The following LRRC8E variants were observed in gnomAD, a reference collection of about 807,000 sequenced individuals.
The protein encoded by LRRC8E is volume-regulated anion channel subunit LRRC8E.
In LRRC8E, 6 loss-of-function variants were observed where a neutral mutation model predicts 6.1. The ratio of observed to expected loss-of-function variants is 0.98; its 90% CI spans 0.54 to 1.93. The LOEUF (loss-of-function observed/expected upper bound fraction) is 1.93. LRRC8E is among the 30% of genes most tolerant of loss of function. The pLI, the probability that LRRC8E is intolerant of heterozygous loss-of-function variation, is 0.01. For missense variants in LRRC8E, 1,028 were observed against 1,031.4 expected (o/e 1.00, Z 0.04); for synonymous variants, 485 against 472.8 (o/e 1.03, Z -0.33).
In LRRC8E at chr19:7,898,704, A is replaced by T; in HGVS notation, c.182A>T (p.Gln61Leu). 6.2e-7 allele frequency: 1 copy of T among 1,613,454 alleles called. No homozygotes were observed. ...KIICLPNHEL[Q>L]ENLSEAPCQQ... ...ATCTGTCTACCCAATCATGAGCTCC[A>T]GGAGAACTTATCAGAGGCCCCGTGC... Residue 61 changes from glutamine (Q) to leucine (L), a missense_variant, in exon 3 of 3, where the codon CAG becomes CTG. Physicochemically the swap from Gln to Leu is moderately radical, Grantham distance 113. Coordinates refer to ENST00000306708, the MANE Select transcript of LRRC8E (RefSeq NM_025061.6).
chr19:7,891,851 C>T (rs1981332225), intron 1 of LRRC8E, among the ~76,000 whole-genome samples: 1 of 152,118 alleles, frequency 6.6e-6, no homozygotes, highest in South Asian at 2.1e-4. Context: ...CTCAAATTAT[C>T]CGCCTACCTT....
In LRRC8E at chr19:7,898,750, G is replaced by T; in HGVS notation, c.228G>T (p.Gly76=). 6.2e-7 allele frequency: 1 copy of T among 1,614,050 alleles called. No individual in the cohort carries two copies. Among genetic ancestry groups the T allele is most frequent in the Non-Finnish European group, 8.5e-7 (1 of 1,180,000 alleles). ...CGTGCCAGCAATTGCTGCCTCGGGG[G>T]ATCCCTGAGCAGATTGGGGCCCTGC... ...EAPCQQLLPR[G]IPEQIGALQE... is the part of the protein sequence containing the mutation. Residue 76 remains glycine, a synonymous_variant, in exon 3 of 3, where the codon GGG becomes GGT. Coordinates refer to ENST00000306708, the MANE Select transcript of LRRC8E (RefSeq NM_025061.6).
chr19:7,899,589 T>C lies in LRRC8E; in HGVS notation c.1067T>C (p.Ile356Thr). The C allele has an allele frequency of 1.2e-6, 2 of 1,613,800 alleles. No homozygotes were observed. Among genetic ancestry groups the C allele is most frequent in the Non-Finnish European group, 1.7e-6 (2 of 1,180,024 alleles). Residue 356 changes from isoleucine (I) to threonine (T), a missense_variant, in exon 3 of 3, where the codon ATT becomes ACT. Coordinates refer to ENST00000306708, the MANE Select transcript of LRRC8E (RefSeq NM_025061.6). ...CGGGAGGAGACTGGCATGGGGGACATTCCTGACGTCAAGAATGACTTCGCC... is the reference window on the plus strand; with the variant it reads ...CGGGAGGAGACTGGCATGGGGGACACTCCTGACGTCAAGAATGACTTCGCC... ...SVREETGMGD[I>T]PDVKNDFAFM...
Position 7,895,678 on chromosome 19 carries a change from C to G in LRRC8E, c.75C>G (p.Asp25Glu). ...PAFKVLKPWWDVLAEYLTVAM... is the reference protein window; with the variant it reads ...PAFKVLKPWWEVLAEYLTVAM... ...TCAAGGTGCTCAAACCCTGGTGGGA[C>G]GTGCTGGCCGAGTACCTCACCGTGG... The change falls in exon 2 of 3, where the codon GAC becomes GAG. Residue 25 changes from aspartate to glutamate, a missense_variant. Transcript: ENST00000306708. This position sits in a 1 kb window ranked among gnomAD's most constrained non-coding sequence, Gnocchi z 4.7. 6.2e-7 allele frequency: 1 copy of G among 1,614,108 alleles called. No homozygotes were observed.
In LRRC8E at chr19:7,900,226, T is replaced by C. The variant is rs999611711; in HGVS notation, c.1704T>C (p.Asp568=). The change falls in exon 3 of 3, where the codon GAT becomes GAC. Residue 568 remains aspartate, a synonymous_variant. Coordinates refer to ENST00000306708, the MANE Select transcript of LRRC8E (RefSeq NM_025061.6). This position sits in a 1 kb window ranked among gnomAD's most constrained non-coding sequence, Gnocchi z 5.0. The part of the protein sequence containing the change: ...GHLQRLSLHN[D]GARLVALNSL... ...TGCAGAGGCTCAGCCTGCACAACGA[T>C]GGGGCCCGTCTGGTTGCCCTGAACA... The C allele has an allele frequency of 6.8e-6, 11 of 1,613,192 alleles. 1 individual carries two copies. The African/African-American group carries it at 1.1e-4, about 16-fold the overall frequency.
chr19:7,896,846 C>G (rs776524604), intron 2 of LRRC8E, among the ~76,000 whole-genome samples: 3 of 152,072 alleles, frequency 2.0e-5, no homozygotes, highest in Non-Finnish European at 2.9e-5. Flanking sequence ...CCTCCCACCT[C>G]GGCCTCCCAA....
chr19:7,900,054 A>G lies in LRRC8E; in HGVS notation c.1532A>G (p.Glu511Gly), dbSNP rs749386989. ...GTGTTTGGGCTGCGGGGCTTGGAGGAGCTGCACCTGGAGGGGCTTTTCCCC... is the reference window on the plus strand; with the variant it reads ...GTGTTTGGGCTGCGGGGCTTGGAGGGGCTGCACCTGGAGGGGCTTTTCCCC... The part of the protein sequence containing the change: ...LWVFGLRGLE[E>G]LHLEGLFPQE... Residue 511 changes from glutamate to glycine, a missense_variant, in exon 3 of 3, where the codon GAG becomes GGG. Physicochemically the swap from Glu to Gly is moderately conservative, Grantham distance 98. Coordinates refer to ENST00000306708, the MANE Select transcript of LRRC8E (RefSeq NM_025061.6). This position sits in a 1 kb window ranked among gnomAD's most constrained non-coding sequence, Gnocchi z 5.0. 1.2e-6 allele frequency: 2 copies of G among 1,611,256 alleles called. No individual in the cohort carries two copies. Among genetic ancestry groups the G allele is most frequent in the Non-Finnish European group, 1.7e-6 (2 of 1,179,542 alleles).
chr19:7,900,700 G>A lies in LRRC8E; in HGVS notation c.2178G>A (p.Thr726=), dbSNP rs112412512. The change falls in exon 3 of 3, where the codon ACG becomes ACA. Residue 726 remains threonine, a synonymous_variant. Transcript: ENST00000306708. This position sits in a 1 kb window ranked among gnomAD's most constrained non-coding sequence, Gnocchi z 5.0. ...TCTTCTTCTGCCGCAAGCTGCGGAC[G>A]TTGCTTCTGGGCGACAACCAGCTGA... is the stretch of plus-strand genomic sequence containing the variant. ...EELFFCRKLR[T]LLLGDNQLSQ... is the part of the protein sequence containing the mutation. The A allele has an allele frequency of 1.3e-4, 213 of 1,613,410 alleles. 3 individuals are homozygous for A. The Middle Eastern group carries it at 9.9e-3, about 75-fold the overall frequency.
In LRRC8E at chr19:7,900,267, C is replaced by A. The variant is rs200370523; in HGVS notation, c.1745C>A (p.Ala582Glu). Residue 582 changes from alanine to glutamate, a missense_variant, in exon 3 of 3, where the codon GCG becomes GAG. Transcript: ENST00000306708. The surrounding 1 kb of genome is among the most constrained non-coding windows in gnomAD (Gnocchi z 5.0). ...LVALNSLKKL[A>E]ALRELELVAC... ...GCCCTGAACAGCCTCAAGAAGCTGG[C>A]GGCATTGCGGGAGCTGGAGCTGGTG... is the stretch of plus-strand genomic sequence containing the variant. 6.2e-6 allele frequency: 10 copies of A among 1,613,356 alleles called. No homozygotes were observed. Among genetic ancestry groups the A allele is most frequent in the Non-Finnish European group, 8.5e-6 (10 of 1,180,024 alleles).
chr19:7,896,340 A>G (rs1034295827), intron 2 of LRRC8E, among the ~76,000 whole-genome samples: 1 of 150,138 alleles, frequency 6.7e-6, no homozygotes, highest in Admixed American at 6.6e-5. Context: ...TTGGGAGGCC[A>G]AGGTGGGAGT....
In LRRC8E at chr19:7,895,545, G is replaced by T; in HGVS notation, c.-5-54G>T. On this transcript the variant is annotated intron_variant, in intron 1 of 2. Coordinates refer to ENST00000306708, the MANE Select transcript of LRRC8E (RefSeq NM_025061.6). The surrounding 1 kb of genome is among the most constrained non-coding windows in gnomAD (Gnocchi z 4.7). ...GGCTCCTCGGAGGACCCCCTGCAGA[G>T]CCTCCCATCCTGAGGGTCTCTCTCT... is the stretch of plus-strand genomic sequence containing the variant. 3 of 1,585,918 alleles carry T rather than the reference G, an allele frequency of 1.9e-6. No homozygotes were observed. Among genetic ancestry groups the T allele is most frequent in the East Asian group, 2.3e-5 (1 of 44,216 alleles).
At position 7,901,022 on chromosome 19, in the gene LRRC8E, G is replaced by GGGC. The variant is rs564504300; in HGVS notation, c.*111_*112insCGG. On this transcript the variant is annotated 3_prime_UTR_variant, in exon 3 of 3. Transcript: ENST00000306708. ...CAAGTGGGTCCAGGCCAGGAGATGGGGGGGGCGGGGGCAGCTGTGTCATCT... is the reference window on the plus strand; with the variant it reads ...CAAGTGGGTCCAGGCCAGGAGATGGGGGCGGGGGCGGGGGCAGCTGTGTCATCT... 1.6e-6 allele frequency: 1 copy of GGGC among 613,758 alleles called. No homozygotes were observed. The highest frequency in any genetic ancestry group is 1.9e-5 in the African/African-American group (1 of 52,786). The allele number at this position is 613,758 out of a possible 1,614,324, so 38.0% of individuals were successfully genotyped here. A position where few individuals can be genotyped will look rare whatever the true frequency, so the allele number is the denominator to read the frequency against.
rs201931291 is a variant in LRRC8E at position 7,900,788 on chromosome 19, C to A, written c.2266C>A (p.Arg756Ser). The change falls in exon 3 of 3, where the codon CGC (arginine) becomes AGC (serine). Residue 756 changes from arginine to serine, a missense_variant. Physicochemically the swap from Arg to Ser is moderately radical, Grantham distance 110. Coordinates refer to ENST00000306708, the MANE Select transcript of LRRC8E (RefSeq NM_025061.6). The surrounding 1 kb of genome is among the most constrained non-coding windows in gnomAD (Gnocchi z 5.0). The stretch of plus-strand genomic sequence containing the variant: ...CAGCCGCCTGGAGCTCAAAGGCAAC[C>A]GCTTAGAGGCGCTGCCAGAAGAACT... ...ALSRLELKGN[R>S]LEALPEELGN... 6.2e-6 allele frequency: 10 copies of A among 1,602,300 alleles called. No homozygotes were observed. Among genetic ancestry groups the A allele is most frequent in the South Asian group, 1.1e-5 (1 of 90,420 alleles).
chr19:7,900,034 T>G lies in LRRC8E; in HGVS notation c.1512T>G (p.Phe504Leu). ...TCCGCGAGGTGCCGCTTTGGGTGTTTGGGCTGCGGGGCTTGGAGGAGCTGC... is the reference window on the plus strand; with the variant it reads ...TCCGCGAGGTGCCGCTTTGGGTGTTGGGGCTGCGGGGCTTGGAGGAGCTGC... Reference protein sequence around the residue: ...EELREVPLWVFGLRGLEELHL... With the variant: ...EELREVPLWVLGLRGLEELHL... Residue 504 changes from phenylalanine to leucine, a missense_variant, in exon 3 of 3, where the codon TTT (phenylalanine) becomes TTG (leucine). Physicochemically the swap from Phe to Leu is conservative, Grantham distance 22. Transcript: ENST00000306708. The surrounding 1 kb of genome is among the most constrained non-coding windows in gnomAD (Gnocchi z 5.0). 1 of 1,610,866 alleles carries G rather than the reference T, an allele frequency of 6.2e-7. No individual in the cohort carries two copies. Among genetic ancestry groups the G allele is most frequent in the East Asian group, 2.2e-5 (1 of 44,822 alleles).
intron 1 of LRRC8E, among the ~76,000 whole-genome samples, chr19:7,891,425 C>G (rs1056689637): frequency 6.6e-6 from 1 of 152,076 alleles, no homozygotes; most frequent in African/African-American, 2.4e-5. Flanking sequence ...CCCCGGTCCC[C>G]TGAGTGTTGC....
intron 1 of LRRC8E, among the ~76,000 whole-genome samples, chr19:7,889,653 G>A (rs1414884848): frequency 1.3e-5 from 2 of 151,840 alleles, no homozygotes; most frequent in African/African-American, 4.8e-5. Flanking sequence ...TGAGGCAGGA[G>A]GATCACTTGA....
rs971162010 is a variant in LRRC8E, at chr19:7,898,683, G to A, written c.161G>A (p.Cys54Tyr). ...CAGGTGACACAGGACAAGATCATCT[G>A]TCTACCCAATCATGAGCTCCAGGAG... ...TLQVTQDKII[C>Y]LPNHELQENL... The change falls in exon 3 of 3, where the codon TGT becomes TAT. Residue 54 changes from cysteine (C) to tyrosine (Y), a missense_variant. Physicochemically the swap from Cys to Tyr is radical, Grantham distance 194. Coordinates refer to ENST00000306708, the MANE Select transcript of LRRC8E (RefSeq NM_025061.6). The A allele has an allele frequency of 3.7e-6, 6 of 1,610,400 alleles. No individual in the cohort carries two copies. Among genetic ancestry groups the A allele is most frequent in the Non-Finnish European group, 3.4e-6 (4 of 1,177,634 alleles).
intron 2 of LRRC8E, among the ~76,000 whole-genome samples, chr19:7,896,804 A>G (rs1311306339): frequency 6.6e-6 from 1 of 152,002 alleles, no homozygotes; most frequent in Non-Finnish European, 1.5e-5. Context: ...TATGTTGCCC[A>G]GGCTTGTCTC....
chr19:7,891,413 C>T (rs527332270), intron 1 of LRRC8E, among the ~76,000 whole-genome samples: 1 of 152,066 alleles, frequency 6.6e-6, no homozygotes, highest in South Asian at 2.1e-4. Context: ...CCTGTGGCTG[C>T]CCCCCGGTCC....
Sources: allele counts gnomAD v4.1 joint callset (sites outside exome capture counted in the v4.1 genomes callset), GRCh38; gene constraint gnomAD v4.1.1; non-coding constraint Gnocchi (gnomAD v3.1); transcripts MANE v1.5; gene names NCBI Gene and HGNC (gene_info 2026-07-23, HGNC 2026-07-21).